Variants in PYM1 observed in about 807,000 individuals in gnomAD.
PYM1 encodes the protein PYM1 exon junction complex associated factor, also known as partner of Y14 and mago.
PYM1 carries 7 observed loss-of-function variants against 20.7 expected under a neutral mutation model. The ratio of observed to expected loss-of-function variants is 0.34; its 90% CI spans 0.19 to 0.64. The LOEUF is 0.64. PYM1 is among the 30% of genes least tolerant of loss of function. The pLI, the probability that PYM1 is intolerant of heterozygous loss-of-function variation, is 0.74. For missense variants in PYM1, 194 were observed against 250.0 expected (o/e 0.78, Z 1.51); for synonymous variants, 100 against 99.2 (o/e 1.01, Z -0.05).
intron 2 of PYM1, among the ~76,000 whole-genome samples, chr12:55,902,744 T>C (rs932797713): frequency 6.6e-6 from 1 of 151,768 alleles, no homozygotes; most frequent in African/African-American, 2.4e-5. Context: ...CCCAAAGTGC[T>C]TGGGATTACA....
At chr12:55,926,780 T>TA (rs1169030293) in intron 1 of PYM1, among the ~76,000 whole-genome samples, 1 of 151,860 alleles carries the variant, frequency 6.6e-6, no homozygotes, top group Non-Finnish European at 1.5e-5. Context: ...CTGAAGAACC[T>TA]AAAAGAGATA....
At chr12:55,919,789 A>G (rs1032911828) in intron 1 of PYM1, among the ~76,000 whole-genome samples, 5 of 151,838 alleles carry the variant, frequency 3.3e-5, no homozygotes, top group South Asian at 2.1e-4. Flanking sequence ...AATCTCATCT[A>G]TTTGGGAGGC....
intron 1 of PYM1, among the ~76,000 whole-genome samples, chr12:55,921,082 G>A (rs1304047254): frequency 2.0e-5 from 3 of 152,118 alleles, no homozygotes; most frequent in Non-Finnish European, 4.4e-5. Context: ...CTGGAAATAC[G>A]ATGACCAGTT....
intron 1 of PYM1, 23 bp downstream of exon 1, chr12:55,927,702 G>C: frequency 5.2e-6 from 8 of 1,539,396 alleles, no homozygotes; most frequent in Non-Finnish European, 7.0e-6. Context: ...CGTGCAAGGC[G>C]GAGGGCGCCG....
chr12:55,904,831 AAAAAT>A (rs1464537907), intron 1 of PYM1, among the ~76,000 whole-genome samples: 2 of 151,694 alleles, frequency 1.3e-5, no homozygotes, highest in Non-Finnish European at 2.9e-5. Context: ...GAGTCTCAAA[AAAAAT>A]AAAATAAATG....
chr12:55,905,699 A>G (rs1882783599), intron 1 of PYM1, among the ~76,000 whole-genome samples: 1 of 100,628 alleles, frequency 9.9e-6, no homozygotes, highest in Admixed American at 1.5e-4. Flanking sequence ...CGAGACTCCA[A>G]CCCAATTAAA....
chr12:55,925,691 T>C (rs1344722851), intron 1 of PYM1, among the ~76,000 whole-genome samples: 1 of 152,024 alleles, frequency 6.6e-6, no homozygotes, highest in East Asian at 1.9e-4. Context: ...CTGGACATAG[T>C]AAAGGAAAAC....
At chr12:55,926,396 T>G (rs1883187467) in intron 1 of PYM1, among the ~76,000 whole-genome samples, 1 of 152,320 alleles carries the variant, frequency 6.6e-6, no homozygotes, top group South Asian at 2.1e-4. Context: ...TTTATTCACT[T>G]GTCAAAGGGC....
At chr12:55,926,690 C>T (rs1883193317) in intron 1 of PYM1, among the ~76,000 whole-genome samples, 1 of 151,856 alleles carries the variant, frequency 6.6e-6, no homozygotes, top group South Asian at 2.1e-4. Context: ...AGGGCAGAAA[C>T]CAAGTATAGC....
chr12:55,910,909 G>A (rs1191112642), intron 1 of PYM1, among the ~76,000 whole-genome samples: 4 of 152,126 alleles, frequency 2.6e-5, no homozygotes, highest in Admixed American at 1.3e-4. Flanking sequence ...GCCTGAGATC[G>A]ATAGAAAGGT....
Position 55,905,766 on chromosome 12 carries a change from T to C in PYM1, c.38-2286A>G, listed in dbSNP as rs1451437759. 8.2e-5 allele frequency among the ~76,000 whole-genome samples: 11 copies of C among 134,816 alleles called. 1 individual carries two copies. Among genetic ancestry groups the C allele is most frequent in the Non-Finnish European group, 4.6e-5 (3 of 64,536 alleles). The allele number at this position is 134,816 out of a possible 152,430, so 88.4% of individuals were successfully genotyped here. On this transcript the variant is annotated intron_variant, in intron 1 of 2. Coordinates refer to ENST00000408946, the MANE Select transcript of PYM1 (RefSeq NM_032345.3). The stretch of plus-strand genomic sequence containing the variant: ...TTATAGAATTTTGGAAAATTTATTT[T>C]ATATTATATATATATTATTATTATT...
intron 1 of PYM1, among the ~76,000 whole-genome samples, chr12:55,911,065 G>T (rs1430197544): frequency 2.0e-5 from 3 of 152,102 alleles, no homozygotes; most frequent in African/African-American, 7.2e-5. Context: ...CATTGGGAGA[G>T]CCTGGAAGAA....
intron 1 of PYM1, among the ~76,000 whole-genome samples, chr12:55,909,401 A>T (rs1882881635): frequency 6.6e-6 from 1 of 152,240 alleles, no homozygotes; most frequent in Admixed American, 6.5e-5. Flanking sequence ...TGGAATGTTC[A>T]GACCTTGAAT....
chr12:55,902,964 G>A (rs1882722440), intron 2 of PYM1, among the ~76,000 whole-genome samples: 1 of 151,962 alleles, frequency 6.6e-6, no homozygotes, highest in Non-Finnish European at 1.5e-5. Context: ...TGTATTTTTA[G>A]TACAGACGGG....
chr12:55,911,855 G>T (rs528744504), intron 1 of PYM1, among the ~76,000 whole-genome samples: 1 of 148,472 alleles, frequency 6.7e-6, no homozygotes, highest in Admixed American at 6.7e-5. Flanking sequence ...AAGAGAAGGG[G>T]AGGGGAGGGG....
intron 1 of PYM1, among the ~76,000 whole-genome samples, chr12:55,920,162 A>G (rs1432964359): frequency 1.3e-5 from 2 of 151,908 alleles, no homozygotes; most frequent in Admixed American, 6.6e-5. Context: ...TGACTGTGCC[A>G]CTGTACACTA....
intron 1 of PYM1, among the ~76,000 whole-genome samples, chr12:55,925,730 CCA>C (rs757693078): frequency 2.0e-5 from 3 of 152,226 alleles, no homozygotes; most frequent in South Asian, 2.1e-4. Context: ...TTTTTCTCTT[CCA>C]CATAGTCACG....
chr12:55,904,113 C>T (rs1198864315), intron 1 of PYM1, among the ~76,000 whole-genome samples: 1 of 151,764 alleles, frequency 6.6e-6, no homozygotes, highest in East Asian at 2.0e-4. Context: ...GATTACAGGC[C>T]CCTGCCACCA....
intron 1 of PYM1, among the ~76,000 whole-genome samples, chr12:55,922,155 C>T (rs1050618173): frequency 2.0e-5 from 3 of 152,118 alleles, no homozygotes; most frequent in Non-Finnish European, 4.4e-5. Flanking sequence ...CATATGCCAC[C>T]ATGCCCAGCC....
Sources: allele counts gnomAD v4.1 joint callset (sites outside exome capture counted in the v4.1 genomes callset), GRCh38; gene constraint gnomAD v4.1.1; transcripts MANE v1.5; gene names NCBI Gene and HGNC (gene_info 2026-07-23, HGNC 2026-07-21).